The following C6 variants were observed in gnomAD, a reference collection of about 807,000 sequenced individuals.
The protein encoded by C6 is complement component C6.
C6 carries 101 observed loss-of-function variants against 112.9 expected under a neutral mutation model. The observed-to-expected ratio is 0.89, with a 90% CI of 0.76 to 1.06. The LOEUF is 1.06. C6 is among the 50% of genes least tolerant of loss of function. The pLI, the probability that C6 is intolerant of heterozygous loss-of-function variation, is 0.00. For synonymous variants in C6, 431 were observed against 384.1 expected (o/e 1.12, Z -1.43); for missense variants, 1,202 against 1,104.6 (o/e 1.09, Z -1.25).
intron 5 of C6, among the ~76,000 whole-genome samples, chr5:41,189,333 A>G (rs1012618205): frequency 1.3e-5 from 2 of 152,124 alleles, no homozygotes; most frequent in Non-Finnish European, 2.9e-5. Context: ...ATGAATGTTC[A>G]TAGCAGCATT....
intron 1 of C6, among the ~76,000 whole-genome samples, chr5:41,255,922 G>A (rs1561209822): frequency 6.6e-6 from 1 of 152,216 alleles, no homozygotes; most frequent in Non-Finnish European, 1.5e-5. Context: ...GCATCTGTGA[G>A]TGGAGATGTG....
intron 1 of C6, 32 bp downstream of exon 1, chr5:41,213,344 A>G: frequency 1.1e-6 from 1 of 904,850 alleles, no homozygotes; most frequent in South Asian, 5.1e-5. Flanking sequence ...TTGAAATATT[A>G]AGATTGAAAA....
intron 15 of C6, among the ~76,000 whole-genome samples, chr5:41,150,635 T>C (rs1410063067): frequency 6.6e-6 from 1 of 152,122 alleles, no homozygotes; most frequent in Non-Finnish European, 1.5e-5. Context: ...ACGCTTGTAA[T>C]CCCAGCATTT....
At chr5:41,252,662 G>A (rs989274798) in intron 1 of C6, among the ~76,000 whole-genome samples, 3 of 152,140 alleles carry the variant, frequency 2.0e-5, no homozygotes, top group Non-Finnish European at 2.9e-5. Flanking sequence ...TCCCTTTCCA[G>A]GTCTTTTCCT....
chr5:41,145,061 C>G (rs543894230), intron 17 of C6, among the ~76,000 whole-genome samples: 8 of 152,212 alleles, frequency 5.3e-5, no homozygotes, highest in African/African-American at 1.9e-4. Flanking sequence ...GTATGTATCT[C>G]TATGATAGAA....
intron 1 of C6, among the ~76,000 whole-genome samples, chr5:41,245,778 A>G (rs1185068285): frequency 2.0e-5 from 3 of 152,196 alleles, no homozygotes; most frequent in African/African-American, 7.2e-5. Context: ...GGAAACCTGG[A>G]GTAAACCCAG....
rs188026553 is a variant in C6, at chr5:41,260,348, C to T, written c.-21+846G>A. Among the ~76,000 whole-genome samples, 6 of 152,022 alleles carry T rather than the reference C, an allele frequency of 3.9e-5. No homozygotes were observed. The East Asian group carries it at 1.2e-3, about 29-fold the overall frequency. On this transcript the variant is annotated intron_variant, in intron 1 of 17. Coordinates refer to the C6 transcript ENST00000263413. ...AAGGACATACTACAAATATTGGAGG[C>T]ACAGACTTTCAAACACGTTATATCA...
At chr5:41,215,669 A>C (rs1402519212), upstream of C6, among the ~76,000 whole-genome samples, 2 of 149,274 alleles carry the variant, frequency 1.3e-5, no homozygotes. Context: ...ATATAATTGT[A>C]AAAAAACAGA....
At chr5:41,213,611 C>A (rs1424481494), upstream of C6, 1 of 942,034 alleles carries the variant, frequency 1.1e-6, no homozygotes, top group Non-Finnish European at 1.3e-6. Context: ...TCAGTAGTAA[C>A]CCTGAAACTC....
Position 41,176,637 on chromosome 5 carries a change from C to A in C6, c.1006G>T (p.Asp336Tyr). 1 of 1,613,828 alleles carries A rather than the reference C, an allele frequency of 6.2e-7. No individual in the cohort carries two copies. The highest frequency in any genetic ancestry group is 8.5e-7 in the Non-Finnish European group (1 of 1,179,828). ...TGGTTAAGTGCTTTCAAAAAGACAT[C>A]AGAAAGGTGCAGATCTTTAGCTTTC... ...TTKAKDLHLS[D>Y]VFLKALNHLP... The change falls in exon 8 of 18, where the codon GAT (aspartate) becomes TAT (tyrosine). Residue 336 changes from aspartate (D) to tyrosine (Y), a missense_variant. Transcript: ENST00000337836.
intron 1 of C6, among the ~76,000 whole-genome samples, chr5:41,230,531 G>T (rs1157694414): frequency 6.6e-6 from 1 of 152,126 alleles, no homozygotes; most frequent in African/African-American, 2.4e-5. Flanking sequence ...ATTCTAGTCA[G>T]ACTGGTTCTC....
At chr5:41,159,338 T>C in intron 11 of C6, 85 bp from the exon 12 acceptor site, 1 of 1,537,354 alleles carries the variant, frequency 6.5e-7, no homozygotes, top group Non-Finnish European at 8.8e-7. Flanking sequence ...TTTCCTCACT[T>C]TTTAGCTCAG....
At chr5:41,255,506 A>C (rs1561209571) in intron 1 of C6, among the ~76,000 whole-genome samples, 1 of 152,204 alleles carries the variant, frequency 6.6e-6, no homozygotes, top group African/African-American at 2.4e-5. Context: ...ATAGTAGTAC[A>C]AGTGTGTCTT....
chr5:41,151,071 G>C (rs557699681), intron 15 of C6, among the ~76,000 whole-genome samples: 1 of 152,230 alleles, frequency 6.6e-6, no homozygotes, highest in Non-Finnish European at 1.5e-5. Context: ...ATAGTAGACA[G>C]TCTCTGATAG....
intron 3 of C6, among the ~76,000 whole-genome samples, chr5:41,200,269 T>G (rs1158921086): frequency 6.6e-6 from 1 of 152,214 alleles, no homozygotes; most frequent in African/African-American, 2.4e-5. Context: ...TTTCTGTATC[T>G]TAAAGATAGT....
At chr5:41,230,732 GT>G (rs1418658230) in intron 1 of C6, among the ~76,000 whole-genome samples, 3 of 151,960 alleles carry the variant, frequency 2.0e-5, no homozygotes, top group African/African-American at 7.3e-5. Context: ...TAATAAAAAC[GT>G]GCTGGTTTTG....
intron 2 of C6, among the ~76,000 whole-genome samples, chr5:41,202,341 A>C (rs1467790292): frequency 1.3e-5 from 2 of 152,216 alleles, no homozygotes; most frequent in Non-Finnish European, 2.9e-5. Flanking sequence ...TTTAGGCAGC[A>C]GGGAGCTACT....
At chr5:41,195,972 A>C in intron 4 of C6, 39 bp from the exon 5 acceptor site, 1 of 1,610,180 alleles carries the variant, frequency 6.2e-7, no homozygotes, top group South Asian at 1.1e-5. Context: ...GCAACAAATT[A>C]TCATTTTAGA....
At position 41,172,311 on chromosome 5, in the gene C6, A is replaced by G. The variant is rs139261476; in HGVS notation, c.1205T>C (p.Ile402Thr). ...TEEEAKHCVR[I>T]ETKKRVLFAK... ...AAATAAAACGCGTTTCTTTGTTTCA[A>G]TCCTGACACAGTGTTTGGCTTCTTC... The change falls in exon 9 of 18, where the codon ATT becomes ACT. Residue 402 changes from isoleucine (I) to threonine (T), a missense_variant. Ile to Thr is a moderately conservative substitution (Grantham distance 89). Coordinates refer to ENST00000337836, the MANE Select transcript of C6 (RefSeq NM_000065.5). The G allele has an allele frequency of 8.4e-5, 135 of 1,613,376 alleles. No individual in the cohort carries two copies. Among genetic ancestry groups the G allele is most frequent in the Non-Finnish European group, 1.0e-4 (122 of 1,179,620 alleles).
Sources: gnomAD v4.1 joint callset for allele counts (sites outside exome capture counted in the v4.1 genomes callset) on GRCh38, gnomAD v4.1.1 for gene constraint, MANE v1.5 for transcripts, NCBI Gene and HGNC (gene_info 2026-07-23, HGNC 2026-07-21) for gene names.